Variants in HUNK observed in about 807,000 individuals in gnomAD.
HUNK encodes the protein hormonally up-regulated neu tumor-associated kinase.
HUNK carries 21 observed loss-of-function variants against 61.0 expected under a neutral mutation model. That is an observed-to-expected ratio of 0.34 (90% CI 0.24 to 0.50). The LOEUF is 0.50. HUNK is among the 20% of genes least tolerant of loss of function. The pLI, the probability that HUNK is intolerant of heterozygous loss-of-function variation, is 0.98. For missense variants in HUNK, 772 were observed against 945.7 expected, an observed-to-expected ratio of 0.82 and a Z score of 2.41; for synonymous variants, 371 against 386.1, an observed-to-expected ratio of 0.96 and a Z score of 0.46.
chr21:31,990,001 T>A, intron 8 of HUNK, 128 bp from the exon 9 acceptor site: 2 of 811,052 alleles, frequency 2.5e-6, no homozygotes, highest in Non-Finnish European at 4.3e-6. Context: ...ATTTCAGGAT[T>A]TGCTTTCTGT....
At chr21:31,933,997 C>T (rs904242914) in intron 2 of HUNK, among the ~76,000 whole-genome samples, 1 of 152,134 alleles carries the variant, frequency 6.6e-6, no homozygotes, top group African/African-American at 2.4e-5. Flanking sequence ...CCTTCCTTCC[C>T]TTAAAGCACG....
chr21:31,985,338 T>G (rs1424245024), intron 8 of HUNK, among the ~76,000 whole-genome samples: 46 of 152,242 alleles, frequency 3.0e-4, no homozygotes, highest in Admixed American at 3.0e-3. Flanking sequence ...GGAAGATTCT[T>G]CTCTGGGCTT....
intron 7 of HUNK, among the ~76,000 whole-genome samples, chr21:31,980,808 G>A (rs1027302628): frequency 3.3e-5 from 5 of 152,162 alleles, no homozygotes; most frequent in South Asian, 4.1e-4. Context: ...AGGTTCAAGC[G>A]ATTCTCCTGC....
intron 1 of HUNK, among the ~76,000 whole-genome samples, chr21:31,893,597 G>A (rs2052405871): frequency 6.6e-6 from 1 of 152,126 alleles, no homozygotes; most frequent in Non-Finnish European, 1.5e-5. Flanking sequence ...TGTGATACTG[G>A]AATCCTTACT....
At chr21:31,955,317 C>G (rs1339763105) in intron 4 of HUNK, among the ~76,000 whole-genome samples, 1 of 88 alleles carries the variant, frequency 0.011, no homozygotes, top group African/African-American at 0.056. Flanking sequence ...CAGGGCCGGG[C>G]GCGGTGCTCA....
At chr21:31,878,149 C>T (rs2052279494) in intron 1 of HUNK, among the ~76,000 whole-genome samples, 1 of 148,832 alleles carries the variant, frequency 6.7e-6, no homozygotes, top group African/African-American at 2.5e-5. Flanking sequence ...ATCCCAGCTA[C>T]TTTGGAGGCT....
chr21:31,917,754 A>ACACACACACACC (rs2052595322), intron 1 of HUNK, among the ~76,000 whole-genome samples: 1 of 126,482 alleles, frequency 7.9e-6, no homozygotes, highest in Non-Finnish European at 1.7e-5. Flanking sequence ...ACACACACAC[A>ACACACACACACC]CACCCCTGGA....
At chr21:31,946,879 T>C (rs1242569742) in intron 4 of HUNK, among the ~76,000 whole-genome samples, 1 of 152,220 alleles carries the variant, frequency 6.6e-6, no homozygotes, top group African/African-American at 2.4e-5. Flanking sequence ...CCTCCCAAAG[T>C]GCTGGCATTA....
At position 31,979,515 on chromosome 21, in the gene HUNK, C is replaced by CTTTT. The variant is rs71193166; in HGVS notation, c.1174-3986_1174-3983dup. ...TTCTGGCTATTGAGTTGTTTGCATT[C>CTTTT]TTTTTTTTTTTTTTTTTTTTTTTTT... On this transcript the variant is annotated intron_variant, in intron 7 of 10. Coordinates refer to ENST00000270112, the MANE Select transcript of HUNK (RefSeq NM_014586.2). Among the ~76,000 whole-genome samples, 107 of 34,336 alleles carry CTTTT rather than the reference C, an allele frequency of 3.1e-3. 5 individuals are homozygous for CTTTT. Among genetic ancestry groups the CTTTT allele is most frequent in the Non-Finnish European group, 4.3e-3 (75 of 17,580 alleles). The allele number at this position is 34,336 out of a possible 152,430, so 22.5% of individuals were successfully genotyped here.
chr21:31,998,377 T>G, intron 10 of HUNK, 149 bp from the exon 11 acceptor site: 1 of 720,532 alleles, frequency 1.4e-6, no homozygotes. Context: ...TGGTGACTTT[T>G]GCAAAGTAGC....
intron 1 of HUNK, among the ~76,000 whole-genome samples, chr21:31,896,824 C>G (rs1426721686): frequency 2.0e-5 from 3 of 152,222 alleles, no homozygotes; most frequent in African/African-American, 7.2e-5. Context: ...AGATTATTCT[C>G]TGTAGCTCTT....
chr21:31,922,756 T>C (rs1268507806), intron 1 of HUNK, among the ~76,000 whole-genome samples: 1 of 152,262 alleles, frequency 6.6e-6, no homozygotes, highest in Non-Finnish European at 1.5e-5. Context: ...AGCCCCTCAC[T>C]GAAAACATGT....
At chr21:31,996,055 C>T (rs1170886041) in intron 10 of HUNK, 107 bp downstream of exon 10, 5 of 842,890 alleles carry the variant, frequency 5.9e-6, no homozygotes, top group Non-Finnish European at 9.1e-6. Flanking sequence ...GAGATGATTC[C>T]TGTGCCCACA....
chr21:31,965,930 G>T (rs928661634), intron 5 of HUNK, among the ~76,000 whole-genome samples: 4 of 152,014 alleles, frequency 2.6e-5, no homozygotes, highest in African/African-American at 9.7e-5. Context: ...ATTTCAGTAC[G>T]TATTTGAGGA....
At chr21:31,900,230 C>T (rs1416457329) in intron 1 of HUNK, among the ~76,000 whole-genome samples, 3 of 152,130 alleles carry the variant, frequency 2.0e-5, no homozygotes, top group Non-Finnish European at 4.4e-5. Context: ...TCCAGGCCCA[C>T]CCTCCTAGCT....
rs1024741149 is a variant in HUNK, at chr21:31,958,957, T to C, written c.861T>C (p.Thr287=). ...MVDKEMNPLP[T]QLSTGAISFL... ...ACAAAGAAATGAACCCCCTCCCCAC[T>C]CAGCTCTCCACAGGTAATGCACCAG... is the stretch of plus-strand genomic sequence containing the variant. Residue 287 remains threonine (T), a synonymous_variant, in exon 5 of 11, where the codon ACT becomes ACC. Coordinates refer to ENST00000270112, the MANE Select transcript of HUNK (RefSeq NM_014586.2). 6.2e-7 allele frequency: 1 copy of C among 1,605,856 alleles called. No individual in the cohort carries two copies.
At chr21:31,914,954 C>T (rs1156370793) in intron 1 of HUNK, among the ~76,000 whole-genome samples, 2 of 152,110 alleles carry the variant, frequency 1.3e-5, no homozygotes, top group African/African-American at 2.4e-5. Context: ...CTGAATTATC[C>T]TCCCCTCCCC....
In HUNK at chr21:31,940,817, G is replaced by C. The variant is rs143604246; in HGVS notation, c.610+597G>C. ...TCTGTTGTTGTTATTTTCTCCCTCTGTGGTCGCTCTGGGCAGAATTCAGGG... is the reference window on the plus strand; with the variant it reads ...TCTGTTGTTGTTATTTTCTCCCTCTCTGGTCGCTCTGGGCAGAATTCAGGG... On this transcript the variant is annotated intron_variant, in intron 3 of 10. Transcript: ENST00000270112. Among the ~76,000 whole-genome samples, 682 of 152,296 alleles carry C rather than the reference G, an allele frequency of 4.5e-3. 1 individual carries two copies. The highest frequency in any genetic ancestry group is 0.015 in the African/African-American group (632 of 41,548).
At chr21:31,925,586 G>A (rs1442555516) in intron 2 of HUNK, among the ~76,000 whole-genome samples, 6 of 152,174 alleles carry the variant, frequency 3.9e-5, no homozygotes, top group South Asian at 2.1e-4. Flanking sequence ...ATCACCATTC[G>A]AATTTTGAAC....
Sources: allele counts gnomAD v4.1 joint callset (sites outside exome capture counted in the v4.1 genomes callset), GRCh38; gene constraint gnomAD v4.1.1; transcripts MANE v1.5; gene names NCBI Gene and HGNC (gene_info 2026-07-23, HGNC 2026-07-21).